Variants in NR3C2 observed in about 807,000 individuals in gnomAD.
NR3C2 encodes mineralocorticoid receptor.
NR3C2 carries 15 observed loss-of-function variants against 86.4 expected under a neutral mutation model. That is an observed-to-expected ratio of 0.17 (90% CI 0.12 to 0.27). The LOEUF is 0.27. NR3C2 is among the 10% of genes least tolerant of loss of function. NR3C2 has a pLI of 1.00. For synonymous variants in NR3C2, 458 were observed against 450.5 expected, an observed-to-expected ratio of 1.02 and a Z score of -0.21; for missense variants, 960 against 1,195.6, an observed-to-expected ratio of 0.80 and a Z score of 2.91.
chr4:148,104,389 T>G (rs1427927947), intron 8 of NR3C2, among the ~76,000 whole-genome samples: 2 of 139,592 alleles, frequency 1.4e-5, no homozygotes, highest in East Asian at 4.7e-4. Flanking sequence ...CCCCTCTCCC[T>G]TGGTGTCTTG....
At chr4:148,399,285 A>T (rs149319001) in intron 2 of NR3C2, among the ~76,000 whole-genome samples, 113 of 152,306 alleles carry the variant, frequency 7.4e-4, no homozygotes, top group African/African-American at 2.5e-3. Context: ...GATTGCATTA[A>T]AATGGCAACA....
intron 8 of NR3C2, among the ~76,000 whole-genome samples, chr4:148,083,674 G>C (rs571828404): frequency 8.6e-4 from 131 of 152,276 alleles, no homozygotes; most frequent in African/African-American, 2.9e-3. Flanking sequence ...GAACAAAACA[G>C]GATGGAGAAT....
chr4:148,274,322 T>C (rs1740852148), intron 2 of NR3C2, among the ~76,000 whole-genome samples: 1 of 152,222 alleles, frequency 6.6e-6, no homozygotes, highest in South Asian at 2.1e-4. Flanking sequence ...CAATGGCATG[T>C]ATTTTCAAGA....
chr4:148,378,511 G>A (rs1393872724), intron 2 of NR3C2, among the ~76,000 whole-genome samples: 3 of 152,106 alleles, frequency 2.0e-5, no homozygotes. Context: ...TCATGGGGGT[G>A]GATCCCTCAT....
chr4:148,284,027 C>T (rs1019211624), intron 2 of NR3C2, among the ~76,000 whole-genome samples: 1 of 152,090 alleles, frequency 6.6e-6, no homozygotes. Context: ...CATACCTTGT[C>T]CCACGGGAGA....
intron 8 of NR3C2, among the ~76,000 whole-genome samples, chr4:148,106,596 C>T (rs1272915156): frequency 6.6e-6 from 1 of 152,172 alleles, no homozygotes; most frequent in Non-Finnish European, 1.5e-5. Context: ...AGGCATTATG[C>T]TGCCTGAATT....
intron 4 of NR3C2, among the ~76,000 whole-genome samples, chr4:148,158,137 T>C (rs1315538935): frequency 6.6e-6 from 1 of 152,206 alleles, no homozygotes; most frequent in African/African-American, 2.4e-5. Flanking sequence ...TAATGGAAGA[T>C]GCTGACCAAG....
chr4:148,371,200 C>T (rs1483808071), intron 2 of NR3C2, among the ~76,000 whole-genome samples: 2 of 152,162 alleles, frequency 1.3e-5, no homozygotes, highest in Non-Finnish European at 2.9e-5. Context: ...TCCAATTATA[C>T]TCTTTGAGTT....
chr4:148,121,428 T>C (rs1443050194), intron 6 of NR3C2, among the ~76,000 whole-genome samples: 1 of 152,214 alleles, frequency 6.6e-6, no homozygotes, highest in African/African-American at 2.4e-5. Flanking sequence ...ATTAAGGAAA[T>C]ATTTTAAACA....
chr4:148,090,370 A>G (rs577292715), intron 8 of NR3C2, among the ~76,000 whole-genome samples: 2 of 152,200 alleles, frequency 1.3e-5, no homozygotes, highest in Non-Finnish European at 2.9e-5. Flanking sequence ...AGGGTTACCT[A>G]GGGAGTTCCT....
Position 148,152,501 on chromosome 4 carries a change from A to C in NR3C2, c.2478T>G (p.Phe826Leu). 4.3e-6 allele frequency: 7 copies of C among 1,614,120 alleles called. No homozygotes were observed. The highest frequency in any genetic ancestry group is 5.9e-6 in the Non-Finnish European group (7 of 1,179,970). The part of the protein sequence containing the change: ...WRSYKHTNSQ[F>L]LYFAPDLVFN... ...AGACTAGGTCTGGTGCAAAATAGAG[A>C]AATTGGCTGTTCGTATGTTTGTACG... is the stretch of plus-strand genomic sequence containing the variant. Residue 826 changes from phenylalanine (F) to leucine (L), a missense_variant, in exon 6 of 9, where the codon TTT (phenylalanine) becomes TTG (leucine). This residue lies in a region of NR3C2 where 151 missense variants were observed against 296.3 expected (regional missense o/e 0.51). Transcript: ENST00000358102.
chr4:148,343,415 C>G (rs1349550427), intron 2 of NR3C2, among the ~76,000 whole-genome samples: 1 of 150,660 alleles, frequency 6.6e-6, no homozygotes. Context: ...CCGACCCCCC[C>G]TTTTTTTTAA....
chr4:148,217,755 G>A (rs558107372), intron 3 of NR3C2, among the ~76,000 whole-genome samples: 19 of 152,300 alleles, frequency 1.2e-4, no homozygotes, highest in African/African-American at 4.3e-4. Context: ...TCCACCCTCT[G>A]ACTGGGCTTG....
At chr4:148,383,198 A>G (rs1293089458) in intron 2 of NR3C2, among the ~76,000 whole-genome samples, 1 of 152,216 alleles carries the variant, frequency 6.6e-6, no homozygotes, top group Non-Finnish European at 1.5e-5. Context: ...AAAAGTAGCT[A>G]TAACAGGATT....
At chr4:148,313,699 A>G (rs995733028) in intron 2 of NR3C2, among the ~76,000 whole-genome samples, 2 of 152,212 alleles carry the variant, frequency 1.3e-5, no homozygotes, top group African/African-American at 4.8e-5. Context: ...TTTTTCAGAT[A>G]TCATTTTATA....
At chr4:148,237,613 A>C (rs1227570910) in intron 3 of NR3C2, among the ~76,000 whole-genome samples, 1 of 151,018 alleles carries the variant, frequency 6.6e-6, no homozygotes, top group Non-Finnish European at 1.5e-5. Context: ...AAATGAATTT[A>C]CATTCTGCAG....
At chr4:148,194,706 C>A (rs61757485) in intron 4 of NR3C2, 40 bp downstream of exon 4, 10 of 1,322,856 alleles carry the variant, frequency 7.6e-6, no homozygotes, top group Non-Finnish European at 1.1e-5. Flanking sequence ...GTTGCATTAC[C>A]TATTAACAAT....
At chr4:148,114,374 G>A (rs975857839) in intron 7 of NR3C2, 113 bp from the exon 8 acceptor site, 9 of 1,135,442 alleles carry the variant, frequency 7.9e-6, no homozygotes, top group South Asian at 5.4e-5. Context: ...TCAATTAATT[G>A]CATTTATGAA....
chr4:148,203,513 G>A (rs1038212909), intron 3 of NR3C2, among the ~76,000 whole-genome samples: 1 of 150,348 alleles, frequency 6.7e-6, no homozygotes, highest in African/African-American at 2.5e-5. Flanking sequence ...TCACTATTTT[G>A]GGCTACATCA....
Sources: allele counts gnomAD v4.1 joint callset (sites outside exome capture counted in the v4.1 genomes callset), GRCh38; gene constraint gnomAD v4.1.1; regional missense constraint gnomAD v4.1.1; transcripts MANE v1.5; gene names NCBI Gene and HGNC (gene_info 2026-07-23, HGNC 2026-07-21).